Variants in SNX18 observed in about 807,000 individuals in gnomAD.
The protein encoded by SNX18 is sorting nexin-18.
A neutral mutation model predicts 48.7 loss-of-function variants in SNX18; 35 were observed. That is an observed-to-expected ratio of 0.72 (90% CI 0.55 to 0.95). The LOEUF is 0.95. Among genes scored for constraint, SNX18 ranks in the 40% least tolerant of loss-of-function variants. SNX18 has a pLI of 0.00. For missense variants in SNX18, 824 were observed against 871.0 expected (o/e 0.95, Z 0.68); for synonymous variants, 492 against 384.7 (o/e 1.28, Z -3.26).
At chr5:54,574,983 C>T in the SNX18 span, among the ~76,000 whole-genome samples, 1 of 152,200 alleles carries the variant, frequency 6.6e-6, no homozygotes, top group African/African-American at 2.4e-5. Context: ...TCCTAGTTTT[C>T]AAAACCTGCC....
the SNX18 span, among the ~76,000 whole-genome samples, chr5:54,633,217 G>A: frequency 1.4e-3 from 206 of 152,260 alleles, 1 homozygote; most frequent in African/African-American, 4.8e-3. Flanking sequence ...CCTCAAGTGA[G>A]TCCTTTGTCC....
chr5:54,526,556 G>A (rs983578951), intron 1 of SNX18, among the ~76,000 whole-genome samples: 1 of 152,142 alleles, frequency 6.6e-6, no homozygotes, highest in African/African-American at 2.4e-5. Context: ...CAGGTAAGGG[G>A]ACAGTGAAGG....
At chr5:54,621,395 T>A in the SNX18 span, among the ~76,000 whole-genome samples, 5 of 152,334 alleles carry the variant, frequency 3.3e-5, no homozygotes, top group African/African-American at 9.6e-5. Flanking sequence ...TGACCAGGGA[T>A]AAAGGGCACT....
chr5:54,567,523 G>A, the SNX18 span, among the ~76,000 whole-genome samples: 8 of 152,210 alleles, frequency 5.3e-5, no homozygotes, highest in East Asian at 3.9e-4. Context: ...CCTGGGAATC[G>A]AAGATGTTTC....
chr5:54,541,580 A>G (rs1454963503), intron 1 of SNX18, among the ~76,000 whole-genome samples: 1 of 152,016 alleles, frequency 6.6e-6, no homozygotes, highest in African/African-American at 2.4e-5. Context: ...AGCAGAGTGC[A>G]TTTCTCTGCC....
At chr5:54,525,712 T>G (rs952852340) in intron 1 of SNX18, among the ~76,000 whole-genome samples, 6 of 152,184 alleles carry the variant, frequency 3.9e-5, no homozygotes, top group African/African-American at 1.4e-4. Context: ...AGCTTCAGTT[T>G]CCTCATCTGT....
At chr5:54,610,734 A>G in the SNX18 span, among the ~76,000 whole-genome samples, 17 of 152,132 alleles carry the variant, frequency 1.1e-4, no homozygotes, top group African/African-American at 3.9e-4. Flanking sequence ...AGATACTTTC[A>G]CATCCTGTTG....
At chr5:54,541,674 G>A (rs1458401519) in intron 1 of SNX18, among the ~76,000 whole-genome samples, 3 of 152,180 alleles carry the variant, frequency 2.0e-5, no homozygotes, top group African/African-American at 7.2e-5. Context: ...GGACTTTGCT[G>A]CTTTTCACTT....
At chr5:54,605,820 C>T in the SNX18 span, among the ~76,000 whole-genome samples, 1 of 152,074 alleles carries the variant, frequency 6.6e-6, no homozygotes, top group Non-Finnish European at 1.5e-5. Context: ...CCAACACACC[C>T]AGCTAAATCT....
At chr5:54,616,883 G>A in the SNX18 span, among the ~76,000 whole-genome samples, 2 of 152,170 alleles carry the variant, frequency 1.3e-5, no homozygotes, top group Non-Finnish European at 2.9e-5. Context: ...CAGATGCAAG[G>A]TAACTGTGGG....
chr5:54,579,645 TA>T, the SNX18 span, among the ~76,000 whole-genome samples: 1 of 152,164 alleles, frequency 6.6e-6, no homozygotes, highest in African/African-American at 2.4e-5. Flanking sequence ...TAAACAGGAA[TA>T]CAGAGAGAAG....
chr5:54,546,893 TAAGTA>T (rs1049168059), downstream of SNX18, among the ~76,000 whole-genome samples: 41 of 152,284 alleles, frequency 2.7e-4, no homozygotes, highest in African/African-American at 8.9e-4. Flanking sequence ...AGCAGGTGCT[TAAGTA>T]AAGTACTTGA....
the SNX18 span, among the ~76,000 whole-genome samples, chr5:54,630,691 G>C: frequency 1.3e-5 from 2 of 152,134 alleles, no homozygotes; most frequent in African/African-American, 4.8e-5. Context: ...AAAATTAGCC[G>C]GGCATGGTGG....
chr5:54,636,324 A>G, the SNX18 span, among the ~76,000 whole-genome samples: 1 of 152,160 alleles, frequency 6.6e-6, no homozygotes, highest in African/African-American at 2.4e-5. Flanking sequence ...TACCTGCTTA[A>G]ACAATGAAGC....
chr5:54,613,976 G>A, the SNX18 span, among the ~76,000 whole-genome samples: 4 of 152,200 alleles, frequency 2.6e-5, no homozygotes, highest in Non-Finnish European at 4.4e-5. Context: ...GATTATAGGC[G>A]TGAGCCACTG....
Position 54,519,008 on chromosome 5 carries a change from C to T in SNX18, c.1056C>T (p.Arg352=). 6.2e-7 allele frequency: 1 copy of T among 1,613,358 alleles called. No individual in the cohort carries two copies. Among genetic ancestry groups the T allele is most frequent in the Non-Finnish European group, 8.5e-7 (1 of 1,179,690 alleles). ...TCGAGGAGGACTTCATCTCTAAGCG[C>T]AGGAAGGGCCTGATCTGGTGGATGA... ...GRFEEDFISK[R]RKGLIWWMNH... Residue 352 remains arginine (R), a synonymous_variant, in exon 1 of 2, where the codon CGC becomes CGT. Transcript: ENST00000381410.
the SNX18 span, among the ~76,000 whole-genome samples, chr5:54,582,689 G>A: frequency 6.6e-6 from 1 of 152,124 alleles, no homozygotes; most frequent in African/African-American, 2.4e-5. Flanking sequence ...CTACTTGGGA[G>A]GCTGAGACTG....
the SNX18 span, among the ~76,000 whole-genome samples, chr5:54,615,363 T>A: frequency 6.6e-6 from 1 of 152,210 alleles, no homozygotes; most frequent in Admixed American, 6.5e-5. Context: ...TCCTCTGGGC[T>A]TGTGCCCCTA....
the SNX18 span, among the ~76,000 whole-genome samples, chr5:54,618,458 C>T: frequency 6.6e-6 from 1 of 152,174 alleles, no homozygotes; most frequent in African/African-American, 2.4e-5. Context: ...TTTGGGTTCA[C>T]TTAGACCTTG....
Sources: gnomAD v4.1 joint callset for allele counts (sites outside exome capture counted in the v4.1 genomes callset) on GRCh38, gnomAD v4.1.1 for gene constraint, MANE v1.5 for transcripts, NCBI Gene and HGNC (gene_info 2026-07-23, HGNC 2026-07-21) for gene names.